The following ARFGEF3 variants were observed in gnomAD, a reference collection of about 807,000 sequenced individuals.
ARFGEF3 encodes ARFGEF family member 3.
In ARFGEF3, 96 loss-of-function variants were observed where a neutral mutation model predicts 221.7. The ratio of observed to expected loss-of-function variants is 0.43; its 90% CI spans 0.37 to 0.51. ARFGEF3 has a LOEUF of 0.51. Ranked by LOEUF, ARFGEF3 falls within the 20% of genes least tolerant of loss-of-function variation. The pLI is 0.00. For synonymous variants in ARFGEF3, 1,145 were observed against 1,126.8 expected (o/e 1.02, Z -0.32); for missense variants, 2,410 against 2,789.9 (o/e 0.86, Z 3.07).
chr6:138,282,537 G>A (rs975754693), intron 14 of ARFGEF3, among the ~76,000 whole-genome samples: 26 of 152,180 alleles, frequency 1.7e-4, no homozygotes, highest in Non-Finnish European at 3.4e-4. Context: ...TCGGGGCGAG[G>A]CACTATTTAG....
At chr6:138,203,632 T>TC (rs1777575830) in intron 2 of ARFGEF3, among the ~76,000 whole-genome samples, 1 of 152,082 alleles carries the variant, frequency 6.6e-6, no homozygotes, top group African/African-American at 2.4e-5. Context: ...TAGTGATATT[T>TC]CCCCAAATCA....
At chr6:138,247,084 A>T (rs949510207) in intron 8 of ARFGEF3, among the ~76,000 whole-genome samples, 8 of 152,076 alleles carry the variant, frequency 5.3e-5, no homozygotes, top group Admixed American at 4.6e-4. Context: ...CCCTACCCCC[A>T]CCCTCAAATT....
rs535192632 is a variant in ARFGEF3 at position 138,280,001 on chromosome 6, G to T, written c.2298G>T (p.Lys766Asn). 1 of 1,613,882 alleles carries T rather than the reference G, an allele frequency of 6.2e-7. No homozygotes were observed. Among genetic ancestry groups the T allele is most frequent in the African/African-American group, 1.3e-5 (1 of 75,046 alleles). ...KRPTLAPGVMKDFMKQVQTSG... is the reference protein window; with the variant it reads ...KRPTLAPGVMNDFMKQVQTSG... ...CTTCTCATGCGATCTCTCTGTAGAA[G>T]GACTTCATGAAGCAGGTGCAGACCA... is the stretch of plus-strand genomic sequence containing the variant. The change falls in exon 14 of 34, where the codon AAG (lysine) becomes AAT (asparagine). Residue 766 changes from lysine to asparagine, a missense_variant and splice_region_variant. Transcript: ENST00000251691.
intron 14 of ARFGEF3, 23 bp downstream of exon 14, chr6:138,280,187 T>A: frequency 1.2e-6 from 2 of 1,611,220 alleles, no homozygotes. Flanking sequence ...TTGCAAGGCC[T>A]TGGGGCACGT....
In ARFGEF3 at chr6:138,341,759, G is replaced by A. The variant is rs989102422; in HGVS notation, c.*5273G>A. ...GATGTGGAAATAACTAATAACTTAA[G>A]ATTTTGGAACAGAACACCCTTTAGA... is the stretch of plus-strand genomic sequence containing the variant. On this transcript the variant is annotated 3_prime_UTR_variant, in exon 34 of 34. Coordinates refer to ENST00000251691, the MANE Select transcript of ARFGEF3 (RefSeq NM_020340.5). 6.6e-6 allele frequency: 1 copy of A among 152,114 alleles called. No individual in the cohort carries two copies. Among genetic ancestry groups the A allele is most frequent in the Non-Finnish European group, 1.5e-5 (1 of 68,018 alleles). 9.4% of individuals were successfully genotyped at this position (152,114 alleles called of 1,614,324 possible).
At chr6:138,262,215 A>T (rs1414943574) in intron 11 of ARFGEF3, among the ~76,000 whole-genome samples, 1 of 138,744 alleles carries the variant, frequency 7.2e-6, no homozygotes, top group Non-Finnish European at 1.5e-5. Flanking sequence ...TTTTTGACAG[A>T]GTCTTGCTCT....
rs1333066206 is a variant in ARFGEF3 at position 138,341,020 on chromosome 6, A to G, written c.*4534A>G. ...TCTAAACTTTAGTCTTCAAGCAGAC[A>G]TTCAGTGTTACTTTAGAAAACTCAC... On this transcript the variant is annotated 3_prime_UTR_variant, in exon 34 of 34. Transcript: ENST00000251691. 2 of 152,298 alleles carry G rather than the reference A, an allele frequency of 1.3e-5. No individual in the cohort carries two copies. Among genetic ancestry groups the G allele is most frequent in the African/African-American group, 4.8e-5 (2 of 41,468 alleles). The allele number at this position is 152,298 out of a possible 1,614,324, so 9.4% of individuals were successfully genotyped here.
intron 4 of ARFGEF3, among the ~76,000 whole-genome samples, chr6:138,212,942 C>T (rs1777759261): frequency 6.6e-6 from 1 of 152,064 alleles, no homozygotes; most frequent in Non-Finnish European, 1.5e-5. Context: ...AGCAAACCAA[C>T]ATGGCACATG....
chr6:138,335,080 T>C lies in ARFGEF3; in HGVS notation c.6234T>C (p.His2078=). The part of the protein sequence containing the change: ...QHLMDQGQMR[H]SFSAGPELLR... ...TGATGGACCAAGGGCAAATGCGGCA[T>C]TCCTTCAGCGCAGGCCCCGAGCTGC... is the stretch of plus-strand genomic sequence containing the variant. The change falls in exon 33 of 34, where the codon CAT becomes CAC. Residue 2078 remains histidine (H), a synonymous_variant. Coordinates refer to ENST00000251691, the MANE Select transcript of ARFGEF3 (RefSeq NM_020340.5). 6.2e-7 allele frequency: 1 copy of C among 1,600,446 alleles called. No individual in the cohort carries two copies. The highest frequency in any genetic ancestry group is 8.5e-7 in the Non-Finnish European group (1 of 1,174,272).
chr6:138,292,240 CT>C (rs1396113413), intron 19 of ARFGEF3, among the ~76,000 whole-genome samples, 187 bp downstream of exon 19: 7 of 152,238 alleles, frequency 4.6e-5, no homozygotes, highest in Admixed American at 4.6e-4. Flanking sequence ...TCTACTAACA[CT>C]GGAGGGTCTG....
intron 12 of ARFGEF3, among the ~76,000 whole-genome samples, chr6:138,273,886 G>C (rs1245071407): frequency 6.6e-6 from 1 of 152,156 alleles, no homozygotes; most frequent in Non-Finnish European, 1.5e-5. Flanking sequence ...TCTTTAAGTT[G>C]ACAAAATAGA....
intron 4 of ARFGEF3, among the ~76,000 whole-genome samples, chr6:138,221,333 A>G (rs532866689): frequency 5.0e-4 from 76 of 152,324 alleles, no homozygotes; most frequent in African/African-American, 1.8e-3. Flanking sequence ...CTTGATGGGG[A>G]TATCTACAGG....
intron 8 of ARFGEF3, among the ~76,000 whole-genome samples, chr6:138,253,006 G>GT (rs1467513736): frequency 5.9e-5 from 9 of 152,020 alleles, no homozygotes; most frequent in African/African-American, 1.9e-4. Context: ...TGATAACTTG[G>GT]ACACAAAATA....
At chr6:138,333,728 C>A (rs535041338) in intron 32 of ARFGEF3, among the ~76,000 whole-genome samples, 1 of 152,310 alleles carries the variant, frequency 6.6e-6, no homozygotes, top group East Asian at 1.9e-4. Context: ...AGGCTTGAGC[C>A]ACCGCGCTCG....
intron 4 of ARFGEF3, 35 bp from the exon 5 acceptor site, chr6:138,229,749 C>A (rs375376325): frequency 2.6e-6 from 4 of 1,529,412 alleles, no homozygotes; most frequent in African/African-American, 2.7e-5. Context: ...ACTGTTAACC[C>A]CTTGTCTCTT....
intron 2 of ARFGEF3, among the ~76,000 whole-genome samples, chr6:138,183,181 A>C (rs1397669830): frequency 2.6e-5 from 4 of 152,108 alleles, no homozygotes; most frequent in Non-Finnish European, 5.9e-5. Context: ...GAGAGGGCTG[A>C]ACACAGAGGA....
intron 2 of ARFGEF3, among the ~76,000 whole-genome samples, chr6:138,192,254 C>T (rs1266233100): frequency 6.6e-6 from 1 of 151,996 alleles, no homozygotes; most frequent in Non-Finnish European, 1.5e-5. Context: ...TTTGGGAGGT[C>T]GAGGCAGGTG....
chr6:138,190,618 T>G (rs1405453072), intron 2 of ARFGEF3, among the ~76,000 whole-genome samples: 1 of 151,910 alleles, frequency 6.6e-6, no homozygotes, highest in East Asian at 1.9e-4. Flanking sequence ...AATAAAAGAG[T>G]GAAGGGTACA....
intron 22 of ARFGEF3, among the ~76,000 whole-genome samples, chr6:138,304,793 G>C (rs1263919655): frequency 6.6e-6 from 1 of 152,110 alleles, no homozygotes; most frequent in Non-Finnish European, 1.5e-5. Context: ...TTTGTGTATT[G>C]AACTATTTCC....
Sources: gnomAD v4.1 joint callset for allele counts (sites outside exome capture counted in the v4.1 genomes callset) on GRCh38, gnomAD v4.1.1 for gene constraint, MANE v1.5 for transcripts, NCBI Gene and HGNC (gene_info 2026-07-23, HGNC 2026-07-21) for gene names.